The following PCDH11X variants were observed in gnomAD, a reference collection of about 807,000 sequenced individuals.
PCDH11X encodes protocadherin 11 X-linked.
A neutral mutation model predicts 53.3 loss-of-function variants in PCDH11X; 18 were observed. That is an observed-to-expected ratio of 0.34 (90% confidence interval 0.23 to 0.50). The LOEUF (loss-of-function observed/expected upper bound fraction) is 0.50. Among genes scored for constraint, PCDH11X ranks in the 20% least tolerant of loss-of-function variants. The pLI is 0.98. For missense variants in PCDH11X, 570 were observed against 1,032.4 expected (o/e 0.55, Z 6.14); for synonymous variants, 279 against 393.3 (o/e 0.71, Z 3.44).
At chrX:92,139,638 A>G (rs2065145901) in intron 6 of PCDH11X, among the ~76,000 whole-genome samples, 1 of 111,291 alleles carries the variant, frequency 9.0e-6, no homozygotes, top group Non-Finnish European at 1.9e-5. Context: ...GTTTTTCTTT[A>G]TGAACTATTT....
At chrX:92,237,829 T>G (rs1411581708) in intron 7 of PCDH11X, among the ~76,000 whole-genome samples, 1 of 111,673 alleles carries the variant, frequency 9.0e-6, no homozygotes, top group Non-Finnish European at 1.9e-5. Flanking sequence ...AAACCACTTA[T>G]GCCAAAGCAT....
At position 91,883,799 on chromosome X, in the gene PCDH11X, T is replaced by C. The variant is rs7876249; in HGVS notation, c.3033+4526T>C. On this transcript the variant is annotated intron_variant, in intron 6 of 10. Transcript: ENST00000682573. ...CAGCCTGGGTGACAGAGCAAGACTC[T>C]GTCTCAAAAAGAAAAAAATGTTCAA... 0.026 allele frequency: 19,005 copies of C among 732,260 alleles called. 2,702 individuals carry two copies. The African/African-American group carries it at 0.41, about 16-fold the overall frequency. The allele number at this position is 732,260 out of a possible 1,213,427, so 60.3% of individuals were successfully genotyped here.
chrX:92,203,009 C>T (rs897529752), intron 7 of PCDH11X, among the ~76,000 whole-genome samples: 1 of 111,031 alleles, frequency 9.0e-6, no homozygotes, highest in Non-Finnish European at 1.9e-5. Flanking sequence ...GGCAACAAAG[C>T]AAGACTCTGT....
At chrX:91,995,884 C>A (rs1454827300) in intron 6 of PCDH11X, among the ~76,000 whole-genome samples, 112 of 101,976 alleles carry the variant, frequency 1.1e-3, no homozygotes, top group Non-Finnish European at 1.9e-3. Flanking sequence ...GAGTCTCGCT[C>A]TGTCATCCAG....
chrX:91,925,858 A>G (rs1744197485), intron 6 of PCDH11X, among the ~76,000 whole-genome samples: 1 of 109,539 alleles, frequency 9.1e-6, no homozygotes, highest in African/African-American at 3.3e-5. Context: ...CAGAGTTATC[A>G]CATCATTGAC....
intron 9 of PCDH11X, among the ~76,000 whole-genome samples, chrX:92,396,792 G>A (rs1463250664): frequency 1.6e-3 from 141 of 85,955 alleles, no homozygotes; most frequent in Middle Eastern, 5.8e-3. Context: ...GCAGTGAGCC[G>A]AGATGGCACC....
intron 10 of PCDH11X, among the ~76,000 whole-genome samples, chrX:92,475,762 A>G (rs1359843995): frequency 9.0e-6 from 1 of 111,693 alleles, no homozygotes; most frequent in Non-Finnish European, 1.9e-5. Context: ...TTTCTTTGAG[A>G]AAACTTCCTA....
At chrX:91,927,409 G>T (rs1694211788) in intron 6 of PCDH11X, among the ~76,000 whole-genome samples, 2 of 109,729 alleles carry the variant, frequency 1.8e-5, no homozygotes, top group Non-Finnish European at 3.8e-5. Flanking sequence ...TAAATGAGAA[G>T]ACTGAAGAAC....
chrX:92,606,374 C>T (rs1926823132), intron 10 of PCDH11X, among the ~76,000 whole-genome samples: 1 of 109,097 alleles, frequency 9.2e-6, no homozygotes, highest in African/African-American at 3.3e-5. Context: ...TTCCTCAAAC[C>T]AATAGCAATC....
chrX:92,343,961 CG>C (rs747810787), intron 8 of PCDH11X, among the ~76,000 whole-genome samples: 24 of 109,486 alleles, frequency 2.2e-4, no homozygotes, highest in Non-Finnish European at 3.8e-4. Flanking sequence ...GTTATACAAA[CG>C]TTTTTTTTTT....
intron 1 of PCDH11X, among the ~76,000 whole-genome samples, chrX:91,780,616 G>T (rs1265491720): frequency 8.9e-6 from 1 of 112,567 alleles, no homozygotes; most frequent in African/African-American, 3.2e-5. Flanking sequence ...AACAGTTCAC[G>T]TCCTCACAAA....
At chrX:92,441,247 AG>A (rs1279616994) in intron 9 of PCDH11X, among the ~76,000 whole-genome samples, 1 of 108,983 alleles carries the variant, frequency 9.2e-6, no homozygotes. Context: ...TTGATAGAAA[AG>A]AAATTCCCAT....
intron 10 of PCDH11X, among the ~76,000 whole-genome samples, chrX:92,606,781 C>T (rs1175175930): frequency 9.0e-6 from 1 of 111,142 alleles, no homozygotes; most frequent in Non-Finnish European, 1.9e-5. Flanking sequence ...TTATAAGAGT[C>T]TTATATTTAG....
At chrX:92,038,719 G>A (rs1300064069) in intron 6 of PCDH11X, among the ~76,000 whole-genome samples, 1 of 107,901 alleles carries the variant, frequency 9.3e-6, no homozygotes, top group East Asian at 3.0e-4. Context: ...CAATTGCCAT[G>A]TGTCGTGGGA....
Position 91,983,411 on chromosome X carries a change from T to C in PCDH11X, c.3033+104138T>C, listed in dbSNP as rs1447128789. 3.3e-6 allele frequency: 3 copies of C among 899,989 alleles called. No homozygotes were observed. The Admixed American group carries it at 6.7e-5, about 20-fold the overall frequency. 74.2% of individuals were successfully genotyped at this position (899,989 alleles called of 1,213,427 possible). On this transcript the variant is annotated intron_variant, in intron 6 of 10. Coordinates refer to ENST00000682573, the MANE Select transcript of PCDH11X (RefSeq NM_032968.5). ...TTCCAACCCATTCTCAGATTTTGTTTTCAAATCAAGCATTATTAAGCCAAA... is the reference window on the plus strand; with the variant it reads ...TTCCAACCCATTCTCAGATTTTGTTCTCAAATCAAGCATTATTAAGCCAAA...
intron 8 of PCDH11X, among the ~76,000 whole-genome samples, chrX:92,359,624 AG>A (rs1449383869): frequency 9.0e-6 from 1 of 111,414 alleles, no homozygotes; most frequent in Admixed American, 9.6e-5. Flanking sequence ...TGAGATATAC[AG>A]GGCTAGAAAT....
rs140351114 is a variant in PCDH11X, at chrX:92,199,150, A to G, written c.3034-2225A>G. On this transcript the variant is annotated intron_variant, in intron 6 of 10. Coordinates refer to ENST00000682573, the MANE Select transcript of PCDH11X (RefSeq NM_032968.5). ...CTTCCCTTCCAATGTCTAAATGATT[A>G]GCAAGTAATCTCTAACTCAGGAATA... is the stretch of plus-strand genomic sequence containing the variant. Among the ~76,000 whole-genome samples the G allele has an allele frequency of 5.8e-3, 656 of 112,180 alleles. 4 individuals are homozygous for G. The highest frequency in any genetic ancestry group is 8.6e-3 in the Non-Finnish European group (458 of 53,202).
chrX:92,616,514 C>A, intron 10 of PCDH11X, among the ~76,000 whole-genome samples: 1 of 110,480 alleles, frequency 9.1e-6, no homozygotes, highest in African/African-American at 3.3e-5. Context: ...GAATTCAGAC[C>A]TTTGTTGAAA....
At chrX:91,926,074 A>ATG (rs1941934232) in intron 6 of PCDH11X, among the ~76,000 whole-genome samples, 1 of 45,295 alleles carries the variant, frequency 2.2e-5, no homozygotes. Flanking sequence ...ACACACAAAC[A>ATG]CGCACACACA....
Sources: gnomAD v4.1 joint callset for allele counts (sites outside exome capture counted in the v4.1 genomes callset) on GRCh38, gnomAD v4.1.1 for gene constraint, MANE v1.5 for transcripts, NCBI Gene and HGNC (gene_info 2026-07-23, HGNC 2026-07-21) for gene names.